Variants in MYO1D observed in about 807,000 individuals in gnomAD.
MYO1D encodes the protein myosin ID.
In MYO1D, 83 loss-of-function variants were observed where a neutral mutation model predicts 122.0. The observed-to-expected ratio is 0.68, with a 90% CI of 0.57 to 0.82. The LOEUF is 0.82. Ranked by LOEUF, MYO1D falls within the 40% of genes least tolerant of loss-of-function variation. MYO1D has a pLI of 0.00. For synonymous variants in MYO1D, 464 were observed against 446.9 expected, an observed-to-expected ratio of 1.04 and a Z score of -0.48; for missense variants, 1,157 against 1,269.5, an observed-to-expected ratio of 0.91 and a Z score of 1.35.
At chr17:32,538,160 C>T (rs1259262943) in intron 21 of MYO1D, among the ~76,000 whole-genome samples, 1 of 151,656 alleles carries the variant, frequency 6.6e-6, no homozygotes, top group Non-Finnish European at 1.5e-5. Context: ...TAGATGGCAT[C>T]TTAGATTTGA....
intron 5 of MYO1D, among the ~76,000 whole-genome samples, chr17:32,772,570 G>GC (rs1307334576): frequency 6.6e-6 from 1 of 152,198 alleles, no homozygotes; most frequent in Non-Finnish European, 1.5e-5. Flanking sequence ...CATCTGGTTG[G>GC]CTAAGCTCCT....
chr17:32,664,405 GAC>G (rs1362329598), intron 16 of MYO1D, among the ~76,000 whole-genome samples: 2 of 152,162 alleles, frequency 1.3e-5, no homozygotes, highest in Non-Finnish European at 2.9e-5. Context: ...TGTGCCTGAT[GAC>G]AAAGCCTCAG....
At chr17:32,697,971 T>C (rs1173585405) in intron 16 of MYO1D, among the ~76,000 whole-genome samples, 1 of 152,222 alleles carries the variant, frequency 6.6e-6, no homozygotes, top group Non-Finnish European at 1.5e-5. Flanking sequence ...GGTACAAAAG[T>C]GTACAGCAGT....
At chr17:32,781,613 G>GA (rs1335766505) in intron 1 of MYO1D, among the ~76,000 whole-genome samples, 4 of 150,500 alleles carry the variant, frequency 2.7e-5, no homozygotes, top group African/African-American at 7.4e-5. Context: ...ACATAAGTGT[G>GA]AAAAAATATA....
chr17:32,614,737 T>C (rs1217337943), intron 20 of MYO1D, among the ~76,000 whole-genome samples: 1 of 152,198 alleles, frequency 6.6e-6, no homozygotes, highest in African/African-American at 2.4e-5. Flanking sequence ...GTTTATCCCT[T>C]TATAAGCAAG....
In MYO1D at chr17:32,846,555, AT is replaced by A. The variant is rs371478833; in HGVS notation, c.95+30222del. Among the ~76,000 whole-genome samples, 148 of 152,374 alleles carry A rather than the reference AT, an allele frequency of 9.7e-4. No individual in the cohort carries two copies. The East Asian group carries it at 0.018, about 18-fold the overall frequency. Reference sequence around the variant, plus strand: ...TAGAAATACATTCTTGCAAAAGTAAATTACAGTAATAATTAAATAAAAAGGG... The same window carrying A: ...TAGAAATACATTCTTGCAAAAGTAAATACAGTAATAATTAAATAAAAAGGG... On this transcript the variant is annotated intron_variant, in intron 1 of 21. Coordinates refer to ENST00000318217, the MANE Select transcript of MYO1D (RefSeq NM_015194.3).
intron 1 of MYO1D, among the ~76,000 whole-genome samples, chr17:32,812,087 T>C (rs2090577125): frequency 1.3e-5 from 2 of 152,232 alleles, no homozygotes; most frequent in African/African-American, 4.8e-5. Context: ...AGCCAACACA[T>C]TCTGCTATAA....
chr17:32,786,476 C>T (rs940389005), intron 1 of MYO1D, among the ~76,000 whole-genome samples: 2 of 152,192 alleles, frequency 1.3e-5, no homozygotes. Context: ...GACCACCAAA[C>T]TCAGTGCATT....
At chr17:32,653,286 AGTTTTTTT>A (rs1364115121) in intron 19 of MYO1D, among the ~76,000 whole-genome samples, 1 of 151,966 alleles carries the variant, frequency 6.6e-6, no homozygotes, top group Non-Finnish European at 1.5e-5. Flanking sequence ...CCCGCAATCT[AGTTTTTTT>A]GTTTTTTTTT....
intron 21 of MYO1D, among the ~76,000 whole-genome samples, chr17:32,521,230 A>C (rs757804007): frequency 5.9e-5 from 9 of 152,100 alleles, no homozygotes; most frequent in Middle Eastern, 3.4e-3. Context: ...TCCGCTGCCT[A>C]CTCCAGTATT....
chr17:32,551,708 G>A (rs1311495366), intron 21 of MYO1D, among the ~76,000 whole-genome samples: 1 of 151,870 alleles, frequency 6.6e-6, no homozygotes. Flanking sequence ...CAATCAGCAC[G>A]CGGTTCCATT....
At chr17:32,573,326 C>T (rs1331803396) in intron 21 of MYO1D, among the ~76,000 whole-genome samples, 1 of 152,184 alleles carries the variant, frequency 6.6e-6, no homozygotes, top group Non-Finnish European at 1.5e-5. Context: ...AGGTACCAAT[C>T]ATCAGAGCCC....
intron 14 of MYO1D, among the ~76,000 whole-genome samples, chr17:32,731,852 C>T (rs2089643009): frequency 6.6e-6 from 1 of 152,200 alleles, no homozygotes; most frequent in Non-Finnish European, 1.5e-5. Context: ...TGGGTGAAGC[C>T]ATAACCACCC....
chr17:32,856,212 C>T (rs1347207378), intron 1 of MYO1D, among the ~76,000 whole-genome samples: 1 of 152,062 alleles, frequency 6.6e-6, no homozygotes, highest in Non-Finnish European at 1.5e-5. Flanking sequence ...ACAATTTCCA[C>T]AAAAAGCATA....
chr17:32,713,827 T>C (rs2089409412), intron 15 of MYO1D, among the ~76,000 whole-genome samples: 1 of 152,124 alleles, frequency 6.6e-6, no homozygotes, highest in African/African-American at 2.4e-5. Context: ...TTTTACCATG[T>C]TGGCCAGGCT....
chr17:32,748,736 G>C (rs76575795), intron 12 of MYO1D, among the ~76,000 whole-genome samples, 200 bp downstream of exon 12: 10,645 of 152,286 alleles, frequency 0.07, 554 homozygotes, highest in Non-Finnish European at 0.094. Flanking sequence ...TGGGCAAGTA[G>C]TGTGTGCTCA....
intron 20 of MYO1D, among the ~76,000 whole-genome samples, chr17:32,624,195 T>C (rs773553185): frequency 3.8e-4 from 57 of 151,748 alleles, no homozygotes; most frequent in Non-Finnish European, 6.6e-4. Flanking sequence ...CCTAGGAAGC[T>C]TTATTTTATT....
chr17:32,653,950 G>T lies in MYO1D; in HGVS notation c.2491-3C>A. 1 of 1,607,586 alleles carries T rather than the reference G, an allele frequency of 6.2e-7. No homozygotes were observed. The highest frequency in any genetic ancestry group is 8.5e-7 in the Non-Finnish European group (1 of 1,176,026). On this transcript the variant is annotated splice_region_variant and splice_polypyrimidine_tract_variant and intron_variant, in intron 18 of 21. Transcript: ENST00000318217. ...GAGGTCTGAGGTGTATCTGGCTTCT[G>T]AAAGAGAAAGGAAACAAGACAAAAT...
intron 14 of MYO1D, among the ~76,000 whole-genome samples, chr17:32,729,646 C>A (rs1048887294): frequency 3.3e-5 from 5 of 152,110 alleles, no homozygotes; most frequent in East Asian, 1.9e-4. Context: ...TGAGCCTACA[C>A]CTCATGGTTG....
Sources: gnomAD v4.1 joint callset for allele counts (sites outside exome capture counted in the v4.1 genomes callset) on GRCh38, gnomAD v4.1.1 for gene constraint, MANE v1.5 for transcripts, NCBI Gene and HGNC (gene_info 2026-07-23, HGNC 2026-07-21) for gene names.